LRIG1: variants seen among roughly 807,000 people sequenced by gnomAD.
LRIG1 encodes leucine-rich repeats and immunoglobulin-like domains protein 1.
Under a neutral mutation model 99.2 loss-of-function variants are expected in LRIG1, and 48 were observed. The observed-to-expected ratio is 0.48, with a 90% confidence interval of 0.38 to 0.62. The LOEUF (loss-of-function observed/expected upper bound fraction) is 0.62, where lower values mean the gene tolerates loss of function less well. Among genes scored for constraint, LRIG1 ranks in the 20% least tolerant of loss-of-function variants. LRIG1 has a pLI of 0.00. For missense variants in LRIG1, 1,646 were observed against 1,434.4 expected (o/e 1.15, Z -2.38); for synonymous variants, 772 against 596.1 (o/e 1.29, Z -4.30).
At chr3:66,476,714 T>C (rs1700730475) in intron 1 of LRIG1, among the ~76,000 whole-genome samples, 2 of 152,238 alleles carry the variant, frequency 1.3e-5, no homozygotes, top group South Asian at 4.1e-4. Flanking sequence ...TAAAAGTTGC[T>C]GGCTGAGTGA....
chr3:66,487,028 A>C (rs1700990305), intron 1 of LRIG1, among the ~76,000 whole-genome samples: 1 of 152,140 alleles, frequency 6.6e-6, no homozygotes, highest in Non-Finnish European at 1.5e-5. Flanking sequence ...TTATATTTCC[A>C]AATTCTTCTA....
At chr3:66,439,698 T>C (rs1223853653) in intron 3 of LRIG1, among the ~76,000 whole-genome samples, 3 of 152,166 alleles carry the variant, frequency 2.0e-5, no homozygotes, top group Non-Finnish European at 4.4e-5. Flanking sequence ...TGGTGGGACA[T>C]TTCTGACATA....
intron 3 of LRIG1, among the ~76,000 whole-genome samples, chr3:66,442,301 G>A (rs551759701): frequency 1.7e-4 from 26 of 152,342 alleles, no homozygotes; most frequent in Admixed American, 3.3e-4. Flanking sequence ...GCTCCCAGGT[G>A]TGAGCAGACA....
At chr3:66,432,270 G>A (rs1263490262) in intron 3 of LRIG1, among the ~76,000 whole-genome samples, 1 of 152,144 alleles carries the variant, frequency 6.6e-6, no homozygotes, top group East Asian at 1.9e-4. Context: ...AACTTCAAAG[G>A]GCCTTTGTAG....
rs765547880 is a variant in LRIG1, at chr3:66,386,064, A to T, written c.1706T>A (p.Phe569Tyr). 3 of 1,614,204 alleles carry T rather than the reference A, an allele frequency of 1.9e-6. No individual in the cohort carries two copies. The highest frequency in any genetic ancestry group is 1.7e-6 in the Non-Finnish European group (2 of 1,180,036). The change falls in exon 13 of 19, where the codon TTC (phenylalanine) becomes TAC (tyrosine). Residue 569 changes from phenylalanine to tyrosine, a missense_variant. Coordinates refer to ENST00000273261, the MANE Select transcript of LRIG1 (RefSeq NM_015541.3). ...TTILHLRQVT[F>Y]GHEGRYQCVI... Reference sequence around the variant, plus strand: ...ACATTGGTAGCGGCCCTCGTGCCCGAAAGTGACCTGACGGAGGTGCAGGAT... The same window carrying T: ...ACATTGGTAGCGGCCCTCGTGCCCGTAAGTGACCTGACGGAGGTGCAGGAT...
chr3:66,446,865 T>A (rs1339332217), intron 3 of LRIG1, among the ~76,000 whole-genome samples: 2 of 149,424 alleles, frequency 1.3e-5, no homozygotes, highest in African/African-American at 4.9e-5. Flanking sequence ...AAAAAAAAAA[T>A]TAGTTTTCAA....
intron 4 of LRIG1, 50 bp downstream of exon 4, chr3:66,417,079 C>A: frequency 6.3e-7 from 1 of 1,598,766 alleles, no homozygotes; most frequent in Non-Finnish European, 8.6e-7. Context: ...AAGCTGTTAG[C>A]TGGCTGGACA....
intron 3 of LRIG1, among the ~76,000 whole-genome samples, chr3:66,444,874 T>C (rs1412281098): frequency 6.7e-6 from 1 of 150,338 alleles, no homozygotes; most frequent in Non-Finnish European, 1.5e-5. Context: ...GATAATTATA[T>C]ATATATATAT....
At chr3:66,497,848 C>T (rs1456837018) in intron 1 of LRIG1, among the ~76,000 whole-genome samples, 1 of 151,706 alleles carries the variant, frequency 6.6e-6, no homozygotes, top group Non-Finnish European at 1.5e-5. Context: ...TTCTAGACAC[C>T]GTGGGCTTAG....
chr3:66,400,743 G>A, intron 9 of LRIG1, among the ~76,000 whole-genome samples: 1 of 152,206 alleles, frequency 6.6e-6, no homozygotes, highest in East Asian at 1.9e-4. Context: ...GAAAAGAAAG[G>A]AAATATAAGC....
intron 1 of LRIG1, among the ~76,000 whole-genome samples, chr3:66,492,661 C>G (rs1252131685): frequency 1.3e-5 from 2 of 152,178 alleles, no homozygotes; most frequent in Non-Finnish European, 2.9e-5. Flanking sequence ...TTTAAACCCT[C>G]TAAATGTCAC....
At chr3:66,489,087 A>G (rs1701040688) in intron 1 of LRIG1, among the ~76,000 whole-genome samples, 1 of 152,204 alleles carries the variant, frequency 6.6e-6, no homozygotes, top group Admixed American at 6.5e-5. Flanking sequence ...AATGAAGGAA[A>G]GCACCACTTT....
At chr3:66,452,322 T>C (rs76543480) in intron 2 of LRIG1, among the ~76,000 whole-genome samples, 5 of 152,226 alleles carry the variant, frequency 3.3e-5, no homozygotes, top group East Asian at 3.8e-4. Flanking sequence ...TGTATTTCCA[T>C]AGTTAATATC....
chr3:66,479,186 G>A (rs1025289744), intron 1 of LRIG1, among the ~76,000 whole-genome samples: 3 of 152,244 alleles, frequency 2.0e-5, no homozygotes, highest in Admixed American at 1.3e-4. Flanking sequence ...TAGCTGCAAA[G>A]CTCCGTCGGC....
intron 13 of LRIG1, 51 bp downstream of exon 13, chr3:66,385,930 G>A (rs748308513): frequency 8.6e-6 from 13 of 1,507,722 alleles, no homozygotes; most frequent in East Asian, 2.3e-5. Context: ...GGGCAATCAG[G>A]AGTGTGCTTT....
At chr3:66,402,717 C>G (rs920673579) in intron 9 of LRIG1, among the ~76,000 whole-genome samples, 3 of 152,192 alleles carry the variant, frequency 2.0e-5, no homozygotes, top group African/African-American at 7.2e-5. Context: ...CAGGACGGAT[C>G]AGCTGCTCTA....
intron 3 of LRIG1, among the ~76,000 whole-genome samples, chr3:66,443,747 T>G (rs767781373): frequency 2.6e-5 from 4 of 152,200 alleles, no homozygotes; most frequent in Non-Finnish European, 4.4e-5. Flanking sequence ...CGAAAGGCCT[T>G]GAGTGGGGCA....
chr3:66,419,786 C>T (rs929116787), intron 3 of LRIG1, among the ~76,000 whole-genome samples: 2 of 152,108 alleles, frequency 1.3e-5, no homozygotes, highest in African/African-American at 4.8e-5. Context: ...GGCCTCTCCC[C>T]ACCTGTCTCC....
chr3:66,417,471 T>G (rs1702649645), intron 3 of LRIG1: 1 of 583,062 alleles, frequency 1.7e-6, no homozygotes, highest in South Asian at 2.0e-5. Context: ...CTGGGACAAG[T>G]TTATCAAAGT....
Sources: gnomAD v4.1 joint callset for allele counts (sites outside exome capture counted in the v4.1 genomes callset) on GRCh38, gnomAD v4.1.1 for gene constraint, MANE v1.5 for transcripts, NCBI Gene and HGNC (gene_info 2026-07-23, HGNC 2026-07-21) for gene names.